The following PCDHA4 variants were observed in gnomAD, a reference collection of about 807,000 sequenced individuals.
PCDHA4 encodes protocadherin alpha-4.
PCDHA4 carries 49 observed loss-of-function variants against 61.4 expected under a neutral mutation model. The ratio of observed to expected loss-of-function variants is 0.80; its 90% CI spans 0.63 to 1.01. The LOEUF (loss-of-function observed/expected upper bound fraction) is 1.01, where lower values mean the gene tolerates loss of function less well. Ranked by LOEUF, PCDHA4 falls within the 50% of genes least tolerant of loss-of-function variation. The pLI, the probability that PCDHA4 is intolerant of heterozygous loss-of-function variation, is 0.00. For synonymous variants in PCDHA4, 590 were observed against 550.3 expected, an observed-to-expected ratio of 1.07 and a Z score of -1.01; for missense variants, 1,254 against 1,235.8, an observed-to-expected ratio of 1.01 and a Z score of -0.22.
chr5:140,823,130 C>T (rs2150122612), intron 1 of PCDHA4: 10 of 1,613,888 alleles, frequency 6.2e-6, no homozygotes, highest in African/African-American at 5.3e-5. Context: ...GACAACGCTC[C>T]GGCGTTCGCG....
chr5:141,010,226 C>T lies in PCDHA4; in HGVS notation c.*289C>T, dbSNP rs1386050566. ...CGCCGCAAAGGAGAGGCTTCCCAGC[C>T]CCGCCAGTGAGAGGTTGGACTCTCT... On this transcript the variant is annotated 3_prime_UTR_variant, in exon 4 of 4. Transcript: ENST00000530339. 6.4e-7 allele frequency: 1 copy of T among 1,551,824 alleles called. No homozygotes were observed. Among genetic ancestry groups the T allele is most frequent in the Admixed American group, 2.0e-5 (1 of 51,014 alleles).
intron 1 of PCDHA4, among the ~76,000 whole-genome samples, chr5:140,893,276 G>A (rs1554185570): frequency 6.6e-6 from 1 of 152,164 alleles, no homozygotes; most frequent in African/African-American, 2.4e-5. Context: ...TAGTGGAATT[G>A]CTGGATGATA....
Position 140,870,991 on chromosome 5 carries a change from A to G in PCDHA4, c.2385+61419A>G, listed in dbSNP as rs782466247. On this transcript the variant is annotated intron_variant, in intron 1 of 3. Coordinates refer to ENST00000530339, the MANE Select transcript of PCDHA4 (RefSeq NM_018907.4). ...CCGCGTGGGGCTGTACACGGGCGAGATAAGCACAACGCGTGCCCTGGACGA... is the reference window on the plus strand; with the variant it reads ...CCGCGTGGGGCTGTACACGGGCGAGGTAAGCACAACGCGTGCCCTGGACGA... 10 of 1,613,364 alleles carry G rather than the reference A, an allele frequency of 6.2e-6. No individual in the cohort carries two copies. The East Asian group carries it at 1.1e-4, about 18-fold the overall frequency.
chr5:140,856,108 C>A, intron 1 of PCDHA4: 1 of 1,598,026 alleles, frequency 6.3e-7, no homozygotes, highest in African/African-American at 1.3e-5. Context: ...TTCTTCTCCT[C>A]GCAGCCTGGG....
Position 140,808,019 on chromosome 5 carries a change from G to T in PCDHA4, c.832G>T (p.Val278Phe), listed in dbSNP as rs1764082833. Residue 278 changes from valine (V) to phenylalanine (F), a missense_variant, in exon 1 of 4, where the codon GTT (valine) becomes TTT (phenylalanine). By Grantham distance (50) the Val-to-Phe change is conservative. Transcript: ENST00000530339. ...AGACGAAGGATTGAATGGGGACATT[G>T]TTTATTCATTCTCAAATGATATTTC... ...DLDEGLNGDI[V>F]YSFSNDISPN... 1 of 1,613,708 alleles carries T rather than the reference G, an allele frequency of 6.2e-7. No homozygotes were observed. The highest frequency in any genetic ancestry group is 1.3e-5 in the African/African-American group (1 of 74,908).
At chr5:140,981,380 C>T (rs2096929731) in intron 2 of PCDHA4, among the ~76,000 whole-genome samples, 1 of 152,054 alleles carries the variant, frequency 6.6e-6, no homozygotes, top group Non-Finnish European at 1.5e-5. Flanking sequence ...TCAAGACCAG[C>T]CTGGTCAATA....
chr5:140,927,159 C>T (rs782468229), intron 1 of PCDHA4: 2 of 1,614,164 alleles, frequency 1.2e-6, no homozygotes, highest in South Asian at 2.2e-5. Context: ...TGTGCAGGGC[C>T]AAAGCTGCCT....
In PCDHA4 at chr5:140,843,731, T is replaced by C. The variant is rs1331325301; in HGVS notation, c.2385+34159T>C. 3.9e-6 allele frequency: 6 copies of C among 1,551,218 alleles called. 1 individual carries two copies. The highest frequency in any genetic ancestry group is 5.3e-6 in the Non-Finnish European group (6 of 1,131,064). On this transcript the variant is annotated intron_variant, in intron 1 of 3. Transcript: ENST00000530339. ...TGGCCTCAAAGTAAGTCCATTTAAA[T>C]TTAGAACTCATAAATTCTATTTGTG...
In PCDHA4 at chr5:140,808,757, G is replaced by T. The variant is rs781847203; in HGVS notation, c.1570G>T (p.Asp524Tyr). Reference sequence around the variant, plus strand: ...CAAGGTGTACGCGCTGCAGCCGCTGGACCACGAGGAGCTAGAGCTGCTGCA... The same window carrying T: ...CAAGGTGTACGCGCTGCAGCCGCTGTACCACGAGGAGCTAGAGCTGCTGCA... Reference protein sequence around the residue: ...SGKVYALQPLDHEELELLQFQ... With the variant: ...SGKVYALQPLYHEELELLQFQ... Residue 524 changes from aspartate to tyrosine, a missense_variant, in exon 1 of 4, where the codon GAC becomes TAC. Coordinates refer to ENST00000530339, the MANE Select transcript of PCDHA4 (RefSeq NM_018907.4). The T allele has an allele frequency of 1.9e-6, 3 of 1,612,266 alleles. No homozygotes were observed. The highest frequency in any genetic ancestry group is 2.2e-5 in the South Asian group (2 of 91,000).
intron 1 of PCDHA4, chr5:140,829,779 C>A (rs2150174490): frequency 6.2e-7 from 1 of 1,613,790 alleles, no homozygotes; most frequent in South Asian, 1.1e-5. Context: ...GACAACGCGC[C>A]GGCGCTGCTG....
chr5:140,861,527 G>C (rs1554154863), intron 1 of PCDHA4: 3 of 454,914 alleles, frequency 6.6e-6, no homozygotes, highest in Non-Finnish European at 1.4e-5. Context: ...GGAGGATCTC[G>C]GAGTGCAGCA....
At chr5:140,850,731 G>A (rs1366939358) in intron 1 of PCDHA4, 3 of 1,597,906 alleles carry the variant, frequency 1.9e-6, no homozygotes, top group Non-Finnish European at 2.6e-6. Flanking sequence ...TAGCGCGGTG[G>A]GGAGTTGGTC....
intron 1 of PCDHA4, among the ~76,000 whole-genome samples, chr5:140,964,874 A>C (rs1443431100): frequency 6.6e-6 from 1 of 152,178 alleles, no homozygotes; most frequent in East Asian, 1.9e-4. Flanking sequence ...GACAAATAAG[A>C]AGCAGCAGTG....
At chr5:140,824,520 T>G in intron 1 of PCDHA4, 2 of 214,438 alleles carry the variant, frequency 9.3e-6, no homozygotes, top group East Asian at 1.2e-4. Flanking sequence ...GATCTGATCA[T>G]AGCTCACCGA....
chr5:140,869,488 A>C, intron 1 of PCDHA4: 1 of 1,614,132 alleles, frequency 6.2e-7, no homozygotes. Context: ...CATTAACGAC[A>C]ACCCGCCGGT....
intron 1 of PCDHA4, chr5:140,877,895 G>T (rs1554170219): frequency 1.4e-6 from 2 of 1,447,634 alleles, no homozygotes; most frequent in South Asian, 3.1e-5. Context: ...TTCCGTTTAG[G>T]TTATAACTAC....
At chr5:140,857,886 C>T in intron 1 of PCDHA4, 1 of 1,597,776 alleles carries the variant, frequency 6.3e-7, no homozygotes. Context: ...TTGCAGTCGG[C>T]GGCGGTTGGT....
At chr5:140,868,379 T>A (rs1554161939) in intron 1 of PCDHA4, 7 of 152,204 alleles carry the variant, frequency 4.6e-5, no homozygotes, top group African/African-American at 2.4e-5. Flanking sequence ...CAGTAAAGAA[T>A]GAGAACTATA....
rs2150365344 is a variant in PCDHA4 at position 140,843,702 on chromosome 5, A to C, written c.2385+34130A>C. ...GGCGAAGAGCAAGATTTAAATGTTG[A>C]TCATGGCCTCAAAGTAAGTCCATTT... On this transcript the variant is annotated intron_variant, in intron 1 of 3. Transcript: ENST00000530339. 12 of 1,580,560 alleles carry C rather than the reference A, an allele frequency of 7.6e-6. 1 individual carries two copies. In the African/African-American group the frequency reaches 1.5e-4, roughly 20 times the overall value.
Sources: gnomAD v4.1 joint callset for allele counts (sites outside exome capture counted in the v4.1 genomes callset) on GRCh38, gnomAD v4.1.1 for gene constraint, MANE v1.5 for transcripts, NCBI Gene and HGNC (gene_info 2026-07-23, HGNC 2026-07-21) for gene names.